The following FOXJ3 variants were observed in gnomAD, a reference collection of about 807,000 sequenced individuals.
FOXJ3 encodes the protein forkhead box J3, also known as forkhead box protein J3.
Under a neutral mutation model 76.1 loss-of-function variants are expected in FOXJ3, and 22 were observed. That is an observed-to-expected ratio of 0.29 (90% CI 0.21 to 0.41). The LOEUF (loss-of-function observed/expected upper bound fraction) is 0.41, where lower values mean the gene tolerates loss of function less well. Among genes scored for constraint, FOXJ3 ranks in the 10% least tolerant of loss-of-function variants. The pLI, the probability that FOXJ3 is intolerant of heterozygous loss-of-function variation, is 1.00. For missense variants in FOXJ3, 613 were observed against 762.1 expected, an observed-to-expected ratio of 0.80 and a Z score of 2.30; for synonymous variants, 269 against 261.2, an observed-to-expected ratio of 1.03 and a Z score of -0.29.
At chr1:42,213,093 A>G (rs1466683430) in intron 5 of FOXJ3, among the ~76,000 whole-genome samples, 1 of 152,200 alleles carries the variant, frequency 6.6e-6, no homozygotes, top group Admixed American at 6.5e-5. Context: ...TTCTTGAAAC[A>G]AAAGGTTGAT....
chr1:42,231,966 A>G (rs1384879429), intron 4 of FOXJ3, among the ~76,000 whole-genome samples: 1 of 151,764 alleles, frequency 6.6e-6, no homozygotes, highest in African/African-American at 2.4e-5. Context: ...ACCCCACAAC[A>G]GGCCCCGGTG....
At chr1:42,182,253 C>T (rs1200752602) in intron 11 of FOXJ3, among the ~76,000 whole-genome samples, 2 of 152,196 alleles carry the variant, frequency 1.3e-5, no homozygotes, top group South Asian at 2.1e-4. Context: ...AGCGCTGCCA[C>T]TAACTGTACG....
intron 1 of FOXJ3, among the ~76,000 whole-genome samples, chr1:42,332,015 C>G (rs1225237794): frequency 6.6e-6 from 1 of 152,126 alleles, no homozygotes; most frequent in African/African-American, 2.4e-5. Context: ...TCAATTTTCT[C>G]TCTAAGTTTA....
rs370974337 is a variant in FOXJ3, at chr1:42,313,073, A to G, written c.-17-1963T>C. 7.9e-5 allele frequency among the ~76,000 whole-genome samples: 12 copies of G among 152,212 alleles called. No individual in the cohort carries two copies. In the East Asian group the frequency reaches 2.3e-3, roughly 29 times the overall value. On this transcript the variant is annotated intron_variant, in intron 1 of 12. Coordinates refer to ENST00000361346, the MANE Select transcript of FOXJ3 (RefSeq NM_014947.5). ...ATACCGGCTGGGCGCAGTGGCTCAT[A>G]CCTGTAATCCCAGCACTTTGGGAGG...
intron 1 of FOXJ3, among the ~76,000 whole-genome samples, chr1:42,332,509 C>A (rs944999700): frequency 1.3e-5 from 2 of 152,180 alleles, no homozygotes; most frequent in Admixed American, 6.5e-5. Flanking sequence ...ATCAGACCCT[C>A]ATCAGCTTAT....
chr1:42,247,698 C>T (rs543943098), intron 4 of FOXJ3, among the ~76,000 whole-genome samples: 22 of 152,300 alleles, frequency 1.4e-4, no homozygotes, highest in African/African-American at 5.3e-4. Flanking sequence ...AACGGTAAAG[C>T]TGGCTGTTCC....
intron 5 of FOXJ3, among the ~76,000 whole-genome samples, chr1:42,215,922 T>C (rs1426804326): frequency 1.3e-5 from 2 of 151,616 alleles, no homozygotes; most frequent in African/African-American, 2.4e-5. Flanking sequence ...GAGGTTGAGA[T>C]GGGAGGATCA....
intron 4 of FOXJ3, among the ~76,000 whole-genome samples, chr1:42,250,403 G>GCATGTTT (rs1649929485): frequency 6.6e-6 from 1 of 152,196 alleles, no homozygotes; most frequent in African/African-American, 2.4e-5. Flanking sequence ...AGTCTCCTAT[G>GCATGTTT]CATGTTTCAT....
rs767945658 is a variant in FOXJ3 at position 42,182,018 on chromosome 1, A to G, written c.1652T>C (p.Leu551Ser). The change falls in exon 12 of 13, where the codon TTG becomes TCG. Residue 551 changes from leucine (L) to serine (S), a missense_variant. Leu to Ser is a moderately radical substitution (Grantham distance 145, BLOSUM62 -2). Transcript: ENST00000361346. Reference protein sequence around the residue: ...KPSQHIGTGNLYIDSRQNLPP... With the variant: ...KPSQHIGTGNSYIDSRQNLPP... The stretch of plus-strand genomic sequence containing the variant: ...GAGATTTTGCCTAGAATCTATGTAC[A>G]AATTTCCTAATCAGATTAAAAGCAG... The G allele has an allele frequency of 1.9e-6, 3 of 1,597,528 alleles. No homozygotes were observed. In the South Asian group the frequency reaches 3.3e-5, roughly 18 times the overall value.
intron 4 of FOXJ3, among the ~76,000 whole-genome samples, chr1:42,247,812 TACTC>T (rs1456751898): frequency 3.9e-5 from 6 of 152,130 alleles, no homozygotes; most frequent in East Asian, 3.8e-4. Context: ...TATACACAAA[TACTC>T]ACAGCAGCAT....
intron 1 of FOXJ3, chr1:42,334,790 G>A (rs934380776): frequency 3.9e-5 from 6 of 152,202 alleles, no homozygotes; most frequent in African/African-American, 1.4e-4. Context: ...GGAGGGGCGG[G>A]AGACGCGAAG....
At chr1:42,222,899 T>C (rs1266486432) in intron 5 of FOXJ3, among the ~76,000 whole-genome samples, 1 of 152,228 alleles carries the variant, frequency 6.6e-6, no homozygotes, top group East Asian at 1.9e-4. Context: ...TCTCTCTACT[T>C]TGCTCTGCCT....
At chr1:42,195,215 T>C in intron 7 of FOXJ3, 151 bp from the exon 8 acceptor site, 2 of 552,252 alleles carry the variant, frequency 3.6e-6, no homozygotes, top group Non-Finnish European at 6.0e-6. Context: ...TGTTAAAGCA[T>C]AATGGACAGA....
chr1:42,244,548 G>A (rs1276703847), intron 4 of FOXJ3, among the ~76,000 whole-genome samples: 2 of 151,820 alleles, frequency 1.3e-5, no homozygotes, highest in Non-Finnish European at 2.9e-5. Context: ...ATAAAGGTCA[G>A]AGCAAAACTA....
At chr1:42,217,296 C>T (rs1366812078) in intron 5 of FOXJ3, among the ~76,000 whole-genome samples, 1 of 152,066 alleles carries the variant, frequency 6.6e-6, no homozygotes, top group East Asian at 1.9e-4. Context: ...TTTGGGAGGC[C>T]GAGGGTGGCG....
chr1:42,319,569 G>A (rs1032477365), intron 1 of FOXJ3, among the ~76,000 whole-genome samples: 4 of 152,086 alleles, frequency 2.6e-5, no homozygotes, highest in African/African-American at 9.7e-5. Flanking sequence ...GGAGAAAAAC[G>A]TTCTAAAATT....
At chr1:42,252,099 C>G (rs1436559700) in intron 4 of FOXJ3, among the ~76,000 whole-genome samples, 3 of 152,086 alleles carry the variant, frequency 2.0e-5, no homozygotes, top group Non-Finnish European at 4.4e-5. Flanking sequence ...TTGGTTGTGT[C>G]TCTGCCCGGC....
At chr1:42,209,809 T>TGCTAATTCAGGCA (rs1646931563) in intron 5 of FOXJ3, among the ~76,000 whole-genome samples, 1 of 152,124 alleles carries the variant, frequency 6.6e-6, no homozygotes, top group Non-Finnish European at 1.5e-5. Context: ...GGTCACAGGT[T>TGCTAATTCAGGCA]GAGAGACACT....
At chr1:42,273,879 G>A (rs551000313) in intron 3 of FOXJ3, among the ~76,000 whole-genome samples, 1 of 152,208 alleles carries the variant, frequency 6.6e-6, no homozygotes, top group African/African-American at 2.4e-5. Context: ...GGGGAGCGGG[G>A]TAGACTGGAA....
Sources: allele counts gnomAD v4.1 joint callset (sites outside exome capture counted in the v4.1 genomes callset), GRCh38; gene constraint gnomAD v4.1.1; transcripts MANE v1.5; gene names NCBI Gene and HGNC (gene_info 2026-07-23, HGNC 2026-07-21).